PRR16: variants seen among roughly 807,000 people sequenced by gnomAD.
The protein encoded by PRR16 is proline rich 16.
A neutral mutation model predicts 18.2 loss-of-function variants in PRR16; 6 were observed. That is an observed-to-expected ratio of 0.33 (90% CI 0.18 to 0.65). The LOEUF (loss-of-function observed/expected upper bound fraction) is 0.65. Ranked by LOEUF, PRR16 falls within the 30% of genes least tolerant of loss-of-function variation. The probability of loss-of-function intolerance (pLI) is 0.74; values close to 1 mark genes in which losing one functional copy is unlikely to be tolerated. For synonymous variants in PRR16, 151 were observed against 147.8 expected (o/e 1.02, Z -0.16); for missense variants, 412 against 376.6 (o/e 1.09, Z -0.78).
chr5:120,746,073 T>C, the PRR16 span, among the ~76,000 whole-genome samples: 1 of 152,078 alleles, frequency 6.6e-6, no homozygotes, highest in South Asian at 2.1e-4. Flanking sequence ...TTGGCATAAT[T>C]CTGTCATCTT....
At chr5:120,516,755 G>T (rs1020630100) in intron 1 of PRR16, among the ~76,000 whole-genome samples, 2 of 152,242 alleles carry the variant, frequency 1.3e-5, no homozygotes. Flanking sequence ...ATATTTCATA[G>T]ATCTTGGACA....
At chr5:120,581,657 G>A (rs888341317) in intron 1 of PRR16, among the ~76,000 whole-genome samples, 2 of 152,110 alleles carry the variant, frequency 1.3e-5, no homozygotes, top group Non-Finnish European at 2.9e-5. Flanking sequence ...TGGGCATTTA[G>A]TGCTATAAAT....
chr5:120,551,263 A>G (rs577712350), intron 1 of PRR16, among the ~76,000 whole-genome samples: 8 of 152,034 alleles, frequency 5.3e-5, no homozygotes, highest in African/African-American at 1.9e-4. Context: ...ATCATGCTGT[A>G]TTTGTCTTCC....
the PRR16 span, among the ~76,000 whole-genome samples, chr5:120,740,078 C>G: frequency 0.97 from 148,012 of 152,258 alleles, 72,085 homozygotes; most frequent in East Asian, 1. Flanking sequence ...ATGAATGACA[C>G]ACTAATGGGA....
the PRR16 span, among the ~76,000 whole-genome samples, chr5:120,782,038 T>C: frequency 2.0e-5 from 3 of 152,202 alleles, no homozygotes; most frequent in African/African-American, 7.2e-5. Context: ...CTTTCTACTA[T>C]TGTTCATATT....
chr5:120,725,263 T>C, the PRR16 span, among the ~76,000 whole-genome samples: 2 of 151,678 alleles, frequency 1.3e-5, no homozygotes, highest in East Asian at 3.9e-4. Flanking sequence ...AGTCTCATAT[T>C]CAGGACTCTG....
the PRR16 span, among the ~76,000 whole-genome samples, chr5:120,746,598 T>C: frequency 1.3e-5 from 2 of 152,192 alleles, no homozygotes; most frequent in East Asian, 3.9e-4. Context: ...CAACCTTCAC[T>C]GTGTATGAGA....
intron 1 of PRR16, among the ~76,000 whole-genome samples, chr5:120,497,794 T>C (rs1227752464): frequency 6.6e-6 from 1 of 151,622 alleles, no homozygotes; most frequent in African/African-American, 2.4e-5. Context: ...TATTATTTAA[T>C]ATTATCATAT....
chr5:120,548,828 C>A (rs541116431), intron 1 of PRR16, among the ~76,000 whole-genome samples: 13 of 99,120 alleles, frequency 1.3e-4, no homozygotes, highest in African/African-American at 4.9e-4. Flanking sequence ...TGACTGCCAT[C>A]CTATCTGTTT....
intron 1 of PRR16, among the ~76,000 whole-genome samples, chr5:120,631,887 G>A (rs1008403659): frequency 6.6e-6 from 1 of 152,120 alleles, no homozygotes; most frequent in Non-Finnish European, 1.5e-5. Flanking sequence ...CTCAGCTGAT[G>A]CACTCTTGAA....
intron 1 of PRR16, among the ~76,000 whole-genome samples, chr5:120,554,902 G>A (rs1400641766): frequency 1.3e-5 from 2 of 151,884 alleles, no homozygotes; most frequent in African/African-American, 4.8e-5. Flanking sequence ...ATATCTTTCT[G>A]TGTCTCCACA....
At chr5:120,596,964 C>T (rs1215425851) in intron 1 of PRR16, among the ~76,000 whole-genome samples, 1 of 151,610 alleles carries the variant, frequency 6.6e-6, no homozygotes, top group Non-Finnish European at 1.5e-5. Context: ...GCATTACATC[C>T]TATACATATA....
chr5:120,691,324 A>G (rs1359474716), downstream of PRR16, among the ~76,000 whole-genome samples: 8 of 152,142 alleles, frequency 5.3e-5, no homozygotes, highest in Admixed American at 5.2e-4. Context: ...TGTTGTTTTG[A>G]CATTCTTAAT....
At chr5:120,493,703 C>G (rs1283185742) in intron 1 of PRR16, among the ~76,000 whole-genome samples, 1 of 152,170 alleles carries the variant, frequency 6.6e-6, no homozygotes, top group Non-Finnish European at 1.5e-5. Flanking sequence ...ACATAGACTT[C>G]CTAGCCCCGG....
At chr5:120,654,133 A>T (rs1426391806) in intron 1 of PRR16, among the ~76,000 whole-genome samples, 1 of 152,082 alleles carries the variant, frequency 6.6e-6, no homozygotes, top group East Asian at 1.9e-4. Flanking sequence ...ATATCCTCTG[A>T]GGAGGTGTGT....
intron 1 of PRR16, among the ~76,000 whole-genome samples, chr5:120,632,932 G>A (rs994694128): frequency 4.6e-5 from 7 of 152,100 alleles, no homozygotes; most frequent in African/African-American, 1.7e-4. Flanking sequence ...ATAGTCATCA[G>A]GTTATCTAAA....
the PRR16 span, among the ~76,000 whole-genome samples, chr5:120,754,351 A>G: frequency 1.5e-5 from 1 of 67,062 alleles, no homozygotes; most frequent in South Asian, 4.7e-4. Context: ...TATATGTTAT[A>G]TGATGTATAT....
chr5:120,715,868 G>A, the PRR16 span, among the ~76,000 whole-genome samples: 1 of 152,024 alleles, frequency 6.6e-6, no homozygotes, highest in East Asian at 1.9e-4. Context: ...TGCTCACATA[G>A]GCCTTCTCTC....
At chr5:120,592,741 G>C (rs1340996889) in intron 1 of PRR16, among the ~76,000 whole-genome samples, 1 of 151,976 alleles carries the variant, frequency 6.6e-6, no homozygotes, top group South Asian at 2.1e-4. Flanking sequence ...TCATAATAAT[G>C]GTTGTTAATT....
Sources: allele counts gnomAD v4.1 joint callset (sites outside exome capture counted in the v4.1 genomes callset), GRCh38; gene constraint gnomAD v4.1.1; transcripts MANE v1.5; gene names NCBI Gene and HGNC (gene_info 2026-07-23, HGNC 2026-07-21).